The following DENND2C variants were observed in gnomAD, a reference collection of about 807,000 sequenced individuals.
DENND2C encodes the protein DENN domain containing 2C, also known as DENN domain-containing protein 2C.
Under a neutral mutation model 112.4 loss-of-function variants are expected in DENND2C, and 72 were observed. The observed-to-expected ratio is 0.64, with a 90% confidence interval of 0.53 to 0.78. The LOEUF (loss-of-function observed/expected upper bound fraction) is 0.78, where lower values mean the gene tolerates loss of function less well. Ranked by LOEUF, DENND2C falls within the 30% of genes least tolerant of loss-of-function variation. The pLI, the probability that DENND2C is intolerant of heterozygous loss-of-function variation, is 0.00. For missense variants in DENND2C, 992 were observed against 1,113.8 expected (o/e 0.89, Z 1.56); for synonymous variants, 329 against 381.6 (o/e 0.86, Z 1.61).
At position 114,587,889 on chromosome 1, in the gene DENND2C, T is replaced by C; in HGVS notation, c.2495A>G (p.His832Arg). 2.5e-6 allele frequency: 4 copies of C among 1,614,152 alleles called. No individual in the cohort carries two copies. Among genetic ancestry groups the C allele is most frequent in the Non-Finnish European group, 3.4e-6 (4 of 1,180,028 alleles). ...FVRFFVELVG[H>R]YSLNMTVTER... ...AGTGACAGTCATGTTCAAAGAATAATGTCCTACCAACTCCACAAAAAACCT... is the reference window on the plus strand; with the variant it reads ...AGTGACAGTCATGTTCAAAGAATAACGTCCTACCAACTCCACAAAAAACCT... The change falls in exon 19 of 21, where the codon CAT (histidine) becomes CGT (arginine). Residue 832 changes from histidine (H) to arginine (R), a missense_variant. Physicochemically the swap from His to Arg is conservative, Grantham distance 29 (BLOSUM62 0). Around this residue, in one of 3 missense-constraint regions of DENND2C, gnomAD observed 516 missense variants for 623.6 expected, o/e 0.83. Transcript: ENST00000393274.
intron 1 of DENND2C, among the ~76,000 whole-genome samples, chr1:114,663,912 T>A (rs1162185574): frequency 6.6e-6 from 1 of 151,988 alleles, no homozygotes; most frequent in Non-Finnish European, 1.5e-5. Context: ...CTTTACAGAA[T>A]ATTTGCTAAC....
chr1:114,665,550 C>A (rs1268556587), intron 1 of DENND2C, among the ~76,000 whole-genome samples: 1 of 152,170 alleles, frequency 6.6e-6, no homozygotes, highest in Non-Finnish European at 1.5e-5. Flanking sequence ...TTCGGATAAA[C>A]CCTTCGTAAG....
intron 8 of DENND2C, among the ~76,000 whole-genome samples, chr1:114,613,310 T>C (rs1655873473): frequency 6.6e-6 from 1 of 152,314 alleles, no homozygotes; most frequent in Middle Eastern, 3.4e-3. Context: ...AGAAAATGTA[T>C]TTGCGTGCAC....
In DENND2C at chr1:114,595,856, G is replaced by A. The variant is rs749760117; in HGVS notation, c.2301C>T (p.Leu767=). Residue 767 remains leucine (L), a synonymous_variant, in exon 17 of 21, where the codon CTC becomes CTT. Coordinates refer to ENST00000393274, the MANE Select transcript of DENND2C (RefSeq NM_001256404.2). ...CCTCCTGTAAGAACTTGTCTGCACA[G>A]AGATCAACTATCAGCACCTATGAAA... ...LPIEEVLIVD[L]CADKFLQEVS... 8 of 1,613,822 alleles carry A rather than the reference G, an allele frequency of 5.0e-6. No individual in the cohort carries two copies. Among genetic ancestry groups the A allele is most frequent in the African/African-American group, 1.3e-5 (1 of 74,920 alleles).
chr1:114,618,461 T>G lies in DENND2C; in HGVS notation c.1249A>C (p.Ile417Leu). 1 of 1,587,340 alleles carries G rather than the reference T, an allele frequency of 6.3e-7. No individual in the cohort carries two copies. The highest frequency in any genetic ancestry group is 1.2e-5 in the South Asian group (1 of 86,656). Residue 417 changes from isoleucine (I) to leucine (L), a missense_variant, in exon 8 of 21, where the codon ATA (isoleucine) becomes CTA (leucine). Around this residue, in one of 3 missense-constraint regions of DENND2C, gnomAD observed 516 missense variants for 623.6 expected, o/e 0.83. Transcript: ENST00000393274. ...TTCTTCCCTCTTTTAGATTCAAATA[T>G]GTCATCTATTTTCAATACAAGCTGA... is the stretch of plus-strand genomic sequence containing the variant. ...LPRLVLKIDD[I>L]FESKRGKKKV...
chr1:114,606,840 A>C (rs1480346821), intron 10 of DENND2C, among the ~76,000 whole-genome samples: 1 of 152,152 alleles, frequency 6.6e-6, no homozygotes, highest in Non-Finnish European at 1.5e-5. Flanking sequence ...TGCAGAATTG[A>C]GACTCTGTGT....
Position 114,587,764 on chromosome 1 carries a change from A to C in DENND2C, c.2620T>G (p.Phe874Val), listed in dbSNP as rs770781912. 6.2e-7 allele frequency: 1 copy of C among 1,614,108 alleles called. No homozygotes were observed. The highest frequency in any genetic ancestry group is 1.6e-4 in the Middle Eastern group (1 of 6,062). ...FLDLFMETQM[F>V]AGFIQDRELR... ...TCTCGGTCCTGGATGAATCCTGCAAACATCTGAGTTTCCATGAAGAGATCC... is the reference window on the plus strand; with the variant it reads ...TCTCGGTCCTGGATGAATCCTGCAACCATCTGAGTTTCCATGAAGAGATCC... Residue 874 changes from phenylalanine to valine, a missense_variant, in exon 19 of 21, where the codon TTT (phenylalanine) becomes GTT (valine). Around this residue, in one of 3 missense-constraint regions of DENND2C, gnomAD observed 516 missense variants for 623.6 expected, o/e 0.83. Transcript: ENST00000393274.
At chr1:114,619,384 G>C (rs543668433) in intron 7 of DENND2C, among the ~76,000 whole-genome samples, 18 of 152,092 alleles carry the variant, frequency 1.2e-4, no homozygotes, top group African/African-American at 4.1e-4. Context: ...CAATTGTTAG[G>C]AACATTATAT....
chr1:114,605,148 A>G (rs1655625720), intron 10 of DENND2C, 117 bp from the exon 11 acceptor site: 2 of 665,846 alleles, frequency 3.0e-6, no homozygotes, highest in Non-Finnish European at 5.0e-6. Context: ...GTAGTTGCTG[A>G]TAAGCCTCAG....
chr1:114,602,482 G>C (rs1272028272), intron 11 of DENND2C, among the ~76,000 whole-genome samples: 1 of 152,170 alleles, frequency 6.6e-6, no homozygotes, highest in Non-Finnish European at 1.5e-5. Context: ...TGAGAGAATA[G>C]GTATGAGATA....
chr1:114,662,154 T>G (rs546170653), intron 1 of DENND2C, among the ~76,000 whole-genome samples: 36 of 152,318 alleles, frequency 2.4e-4, no homozygotes, highest in Admixed American at 2.0e-4. Context: ...CACAGAAGGC[T>G]CTATTATTAT....
chr1:114,663,035 A>G lies in DENND2C; in HGVS notation c.-574+6948T>C, dbSNP rs561653792. Among the ~76,000 whole-genome samples, 416 of 152,334 alleles carry G rather than the reference A, an allele frequency of 2.7e-3. 1 individual carries two copies. The highest frequency in any genetic ancestry group is 6.8e-3 in the Middle Eastern group (2 of 294). ...AAATGGGTAAATACCTGGAATAGATAGATGTGAAAAAGTCAGTCCTTTAAA... is the reference window on the plus strand; with the variant it reads ...AAATGGGTAAATACCTGGAATAGATGGATGTGAAAAAGTCAGTCCTTTAAA... On this transcript the variant is annotated intron_variant, in intron 1 of 20. Transcript: ENST00000393274.
At chr1:114,650,436 G>A (rs1036311364) in intron 2 of DENND2C, among the ~76,000 whole-genome samples, 2 of 151,756 alleles carry the variant, frequency 1.3e-5, no homozygotes, top group Non-Finnish European at 1.5e-5. Flanking sequence ...AGGCCGAGGC[G>A]GATGGATCAC....
intron 9 of DENND2C, among the ~76,000 whole-genome samples, chr1:114,609,291 G>C (rs1655749960): frequency 6.6e-6 from 1 of 152,222 alleles, no homozygotes; most frequent in Non-Finnish European, 1.5e-5. Context: ...CGGGGCAGGG[G>C]GCAGAGATCT....
intron 1 of DENND2C, 27 bp from the exon 2 acceptor site, chr1:114,654,788 G>C (rs1055272639): frequency 2.0e-5 from 3 of 147,720 alleles, no homozygotes; most frequent in Non-Finnish European, 3.0e-5. Context: ...AAAAGACAAA[G>C]TAGGCAGTCT....
rs76496773 is a variant in DENND2C, at chr1:114,611,881, C to G, written c.1325-764G>C. 1.7e-3 allele frequency among the ~76,000 whole-genome samples: 262 copies of G among 150,556 alleles called. 5 individuals carry two copies. The South Asian group carries it at 0.029, about 17-fold the overall frequency. On this transcript the variant is annotated intron_variant, in intron 8 of 20. Coordinates refer to ENST00000393274, the MANE Select transcript of DENND2C (RefSeq NM_001256404.2). The stretch of plus-strand genomic sequence containing the variant: ...GAAAAGTTAAAGCAAAATAGAAATA[C>G]AAAGAAAGGGAAAAAATAAGGCCTA...
At chr1:114,661,198 C>T (rs756011707) in intron 1 of DENND2C, among the ~76,000 whole-genome samples, 22 of 152,010 alleles carry the variant, frequency 1.4e-4, no homozygotes, top group Non-Finnish European at 2.5e-4. Flanking sequence ...GCGACCCCAT[C>T]GATTTGGATT....
chr1:114,655,262 C>T (rs1657276811), intron 1 of DENND2C, among the ~76,000 whole-genome samples: 1 of 152,124 alleles, frequency 6.6e-6, no homozygotes. Context: ...CACTCTGTGT[C>T]CCATTAGAAA....
chr1:114,649,479 A>T (rs1011855693), intron 2 of DENND2C, among the ~76,000 whole-genome samples: 1 of 151,990 alleles, frequency 6.6e-6, no homozygotes, highest in Non-Finnish European at 1.5e-5. Context: ...GGCTCAAGCA[A>T]TTCTCCTGCC....
Sources: gnomAD v4.1 joint callset for allele counts (sites outside exome capture counted in the v4.1 genomes callset) on GRCh38, gnomAD v4.1.1 for gene constraint, gnomAD v4.1.1 regional missense constraint, MANE v1.5 for transcripts, NCBI Gene and HGNC (gene_info 2026-07-23, HGNC 2026-07-21) for gene names.